GNB1: variants seen among roughly 807,000 people sequenced by gnomAD.
The protein encoded by GNB1 is guanine nucleotide-binding protein G(I)/G(S)/G(T) subunit beta-1.
A neutral mutation model predicts 42.9 loss-of-function variants in GNB1; 2 were observed. That is an observed-to-expected ratio of 0.05 (90% confidence interval 0.02 to 0.15). The LOEUF is 0.15. Among genes scored for constraint, GNB1 ranks in the 10% least tolerant of loss-of-function variants. The probability of loss-of-function intolerance (pLI) is 1.00; values close to 1 mark genes in which losing one functional copy is unlikely to be tolerated. For synonymous variants in GNB1, 183 were observed against 174.7 expected, an observed-to-expected ratio of 1.05 and a Z score of -0.38; for missense variants, 193 against 462.2, an observed-to-expected ratio of 0.42 and a Z score of 5.34.
intron 2 of GNB1, among the ~76,000 whole-genome samples, chr1:1,826,979 A>C (rs560809085): frequency 1.3e-5 from 2 of 152,326 alleles, no homozygotes; most frequent in African/African-American, 4.8e-5. Flanking sequence ...ATTAGCTCTC[A>C]CATGCAAGTA....
At chr1:1,825,928 A>G (rs926087045) in intron 2 of GNB1, among the ~76,000 whole-genome samples, 1 of 152,138 alleles carries the variant, frequency 6.6e-6, no homozygotes, top group Non-Finnish European at 1.5e-5. Flanking sequence ...ACTTTTCTTC[A>G]GCATTCATCA....
intron 3 of GNB1, among the ~76,000 whole-genome samples, chr1:1,824,821 G>A (rs1480252142): frequency 1.3e-5 from 2 of 151,992 alleles, no homozygotes; most frequent in Non-Finnish European, 2.9e-5. Flanking sequence ...TGATCCACCC[G>A]CCTTGGCCTC....
rs1402675757 is a variant in GNB1, at chr1:1,787,893, G to C, written c.917-456C>G. 1.3e-5 allele frequency: 2 copies of C among 152,898 alleles called. No individual in the cohort carries two copies. The highest frequency in any genetic ancestry group is 2.9e-5 in the Non-Finnish European group (2 of 68,560). 9.5% of individuals were successfully genotyped at this position (152,898 alleles called of 1,614,324 possible). A position where few individuals can be genotyped will look rare whatever the true frequency, so the allele number is the denominator to read the frequency against. ...AAAAATACAAAAACCAGCAGGGCGT[G>C]GTGGTGCGGGCCGTAGTCCCAGCTA... On this transcript the variant is annotated intron_variant, in intron 10 of 11. Transcript: ENST00000378609. This position sits in a 1 kb window ranked among gnomAD's most constrained non-coding sequence, Gnocchi z 4.4.
At chr1:1,840,518 ACT>A (rs759628476) in intron 1 of GNB1, among the ~76,000 whole-genome samples, 23 of 152,232 alleles carry the variant, frequency 1.5e-4, no homozygotes, top group Non-Finnish European at 2.8e-4. Flanking sequence ...ACAGTGCGAG[ACT>A]CTGTCTCAAA....
intron 1 of GNB1, among the ~76,000 whole-genome samples, chr1:1,876,049 C>T (rs552497199): frequency 1.7e-3 from 262 of 152,282 alleles, no homozygotes; most frequent in African/African-American, 6.1e-3. Context: ...AGCCACACTG[C>T]TGGCACCCAC....
chr1:1,828,188 G>A lies in GNB1; in HGVS notation c.-46-2689C>T, dbSNP rs1647025013. ...ATACAAAAATTAGCCAGGCGTGGTG[G>A]TGTGTGCCTGTAATCCCAGCTACTC... is the stretch of plus-strand genomic sequence containing the variant. On this transcript the variant is annotated intron_variant, in intron 2 of 11. Transcript: ENST00000378609. 2.6e-5 allele frequency among the ~76,000 whole-genome samples: 4 copies of A among 152,150 alleles called. No homozygotes were observed. In the South Asian group the frequency reaches 8.3e-4, roughly 32 times the overall value.
chr1:1,857,958 G>C (rs1267153808), intron 1 of GNB1, among the ~76,000 whole-genome samples: 1 of 152,068 alleles, frequency 6.6e-6, no homozygotes, highest in Non-Finnish European at 1.5e-5. Flanking sequence ...ATATTTTATG[G>C]TGCCATACCT....
intron 5 of GNB1, among the ~76,000 whole-genome samples, chr1:1,814,879 G>A (rs1198623127): frequency 1.3e-5 from 2 of 151,034 alleles, no homozygotes; most frequent in South Asian, 2.1e-4. Context: ...TTGGGAGGCC[G>A]AGGCGGGTGG....
intron 1 of GNB1, among the ~76,000 whole-genome samples, chr1:1,858,345 A>C (rs927921258): frequency 6.6e-6 from 1 of 152,090 alleles, no homozygotes; most frequent in Non-Finnish European, 1.5e-5. Flanking sequence ...GTTTTTAACT[A>C]TTTTATTTTT....
intron 5 of GNB1, among the ~76,000 whole-genome samples, chr1:1,811,081 A>AT (rs70937196): frequency 0.2 from 14,416 of 72,992 alleles, 1,650 homozygotes; most frequent in African/African-American, 0.39. Context: ...ATATATATAT[A>AT]TTTTTTTTTT....
In GNB1 at chr1:1,786,366, G is replaced by A. The variant is rs1484380136; in HGVS notation, c.*697C>T. The A allele has an allele frequency of 6.6e-6, 2 of 302,990 alleles. No homozygotes were observed. The highest frequency in any genetic ancestry group is 5.0e-5 in the East Asian group (1 of 19,902). The allele number at this position is 302,990 out of a possible 1,614,324, so 18.8% of individuals were successfully genotyped here. On this transcript the variant is annotated 3_prime_UTR_variant, in exon 12 of 12. Transcript: ENST00000378609. ...CAAAGGTGAAGGATTCTCTGATCAC[G>A]CATTTGAGACCGTCCCCGCATGTGC...
rs183963285 is a variant in GNB1, at chr1:1,849,902, C to A, written c.-95-10664G>T. 5.4e-3 allele frequency among the ~76,000 whole-genome samples: 815 copies of A among 152,184 alleles called. 7 individuals are homozygous for A. The highest frequency in any genetic ancestry group is 6.4e-3 in the Non-Finnish European group (438 of 68,006). ...ATTAGCTCTTTGAATATTTCTTCTG[C>A]CCCGTTTTCTTCCTAGGGCTCCAAT... On this transcript the variant is annotated intron_variant, in intron 1 of 11. Coordinates refer to ENST00000378609, the MANE Select transcript of GNB1 (RefSeq NM_002074.5).
At chr1:1,889,858 AAC>A (rs911656368) in intron 1 of GNB1, among the ~76,000 whole-genome samples, 5 of 152,190 alleles carry the variant, frequency 3.3e-5, no homozygotes, top group Non-Finnish European at 7.3e-5. Context: ...TGGAATTTTC[AAC>A]AGATCTCCCC....
At position 1,796,785 on chromosome 1, in the gene GNB1, C is replaced by T. The variant is rs190086704; in HGVS notation, c.431-3474G>A. Among the ~76,000 whole-genome samples, 15 of 152,280 alleles carry T rather than the reference C, an allele frequency of 9.9e-5. No homozygotes were observed. The East Asian group carries it at 2.7e-3, about 27-fold the overall frequency. ...AGGCTGAAACGCGGCCTGGGGACCT[C>T]GCAGTGGTCTGGTCATATAGGCAGT... On this transcript the variant is annotated intron_variant, in intron 7 of 11. Transcript: ENST00000378609.
intron 2 of GNB1, among the ~76,000 whole-genome samples, chr1:1,835,892 T>TG (rs1647140284): frequency 8.0e-6 from 1 of 124,898 alleles, no homozygotes. Flanking sequence ...GGCAACATAC[T>TG]GAGACCCCGT....
chr1:1,867,684 A>G (rs1428815234), intron 1 of GNB1, among the ~76,000 whole-genome samples: 3 of 152,210 alleles, frequency 2.0e-5, no homozygotes, highest in African/African-American at 7.2e-5. Flanking sequence ...ACATTTTTCT[A>G]ATTTTCCTGC....
intron 8 of GNB1, among the ~76,000 whole-genome samples, chr1:1,792,759 T>A (rs1321708852): frequency 1.3e-5 from 2 of 151,734 alleles, no homozygotes; most frequent in Admixed American, 1.3e-4. Flanking sequence ...AATTAAACTT[T>A]GTAAATTTAT....
intron 2 of GNB1, among the ~76,000 whole-genome samples, chr1:1,838,004 A>C (rs556027098): frequency 1.2e-3 from 172 of 149,206 alleles, no homozygotes; most frequent in Non-Finnish European, 1.8e-3. Flanking sequence ...GGAGTTCGAG[A>C]CCAGCCTGAC....
chr1:1,836,016 G>C lies in GNB1; in HGVS notation c.-47+3174C>G, dbSNP rs144314147. ...GAGGCCAGAGGATCACTTGAGCCCA[G>C]GAGGTCATGGATGCAGTCAGCTATG... On this transcript the variant is annotated intron_variant, in intron 2 of 11. Transcript: ENST00000378609. Among the ~76,000 whole-genome samples, 554 of 150,612 alleles carry C rather than the reference G, an allele frequency of 3.7e-3. 6 individuals are homozygous for C. The highest frequency in any genetic ancestry group is 0.013 in the African/African-American group (517 of 41,088).
Sources: gnomAD v4.1 joint callset for allele counts (sites outside exome capture counted in the v4.1 genomes callset) on GRCh38, gnomAD v4.1.1 for gene constraint, Gnocchi (gnomAD v3.1) non-coding constraint, MANE v1.5 for transcripts, NCBI Gene and HGNC (gene_info 2026-07-23, HGNC 2026-07-21) for gene names.